The following SHC3 variants were observed in gnomAD, a reference collection of about 807,000 sequenced individuals.
The protein encoded by SHC3 is SHC-transforming protein 3.
SHC3 carries 15 observed loss-of-function variants against 60.4 expected under a neutral mutation model. That is an observed-to-expected ratio of 0.25 (90% confidence interval 0.17 to 0.38). The LOEUF (loss-of-function observed/expected upper bound fraction) is 0.38. Ranked by LOEUF, SHC3 falls within the 10% of genes least tolerant of loss-of-function variation. The probability of loss-of-function intolerance (pLI) is 1.00; values close to 1 mark genes in which losing one functional copy is unlikely to be tolerated. For synonymous variants in SHC3, 294 were observed against 325.9 expected (o/e 0.90, Z 1.05); for missense variants, 677 against 786.1 (o/e 0.86, Z 1.66).
intron 1 of SHC3, among the ~76,000 whole-genome samples, chr9:89,161,208 C>A (rs983040091): frequency 5.3e-5 from 8 of 152,162 alleles, no homozygotes; most frequent in Non-Finnish European, 1.0e-4. Flanking sequence ...GCAGGTTTCT[C>A]ATGAATGGTT....
chr9:89,104,670 C>A (rs1825830712), intron 2 of SHC3, among the ~76,000 whole-genome samples: 1 of 152,138 alleles, frequency 6.6e-6, no homozygotes, highest in Non-Finnish European at 1.5e-5. Context: ...TTGCTGTCAC[C>A]ACCTTGAGCT....
chr9:89,153,989 T>A (rs1826585154), intron 1 of SHC3, among the ~76,000 whole-genome samples: 1 of 152,100 alleles, frequency 6.6e-6, no homozygotes, highest in South Asian at 2.1e-4. Flanking sequence ...TTACACCCAT[T>A]TTACAGATAA....
intron 1 of SHC3, among the ~76,000 whole-genome samples, chr9:89,146,321 C>A (rs1012401752): frequency 2.6e-5 from 4 of 151,864 alleles, no homozygotes; most frequent in Non-Finnish European, 4.4e-5. Context: ...CGCGCCACTG[C>A]ACTCCAGCCT....
chr9:89,127,625 A>G (rs1405741701), intron 1 of SHC3, among the ~76,000 whole-genome samples: 1 of 152,180 alleles, frequency 6.6e-6, no homozygotes, highest in East Asian at 1.9e-4. Context: ...ATTACTTTCC[A>G]TTATGAAAGG....
chr9:89,127,784 C>G (rs565835507), intron 1 of SHC3, among the ~76,000 whole-genome samples: 1 of 151,964 alleles, frequency 6.6e-6, no homozygotes, highest in Non-Finnish European at 1.5e-5. Flanking sequence ...ACTCCACCCC[C>G]CCCCACCACT....
At chr9:89,089,203 C>T (rs770146389) in intron 2 of SHC3, among the ~76,000 whole-genome samples, 1 of 152,164 alleles carries the variant, frequency 6.6e-6, no homozygotes, top group Non-Finnish European at 1.5e-5. Flanking sequence ...TATCTCTGAC[C>T]TCTTTCTATC....
intron 6 of SHC3, among the ~76,000 whole-genome samples, chr9:89,061,031 C>A (rs930982584): frequency 6.6e-6 from 1 of 152,142 alleles, no homozygotes; most frequent in Non-Finnish European, 1.5e-5. Flanking sequence ...GGCTTTCAGG[C>A]AGAGGCCAGG....
intron 8 of SHC3, among the ~76,000 whole-genome samples, chr9:89,046,098 G>C (rs980742256): frequency 7.9e-6 from 1 of 127,264 alleles, no homozygotes; most frequent in East Asian, 2.3e-4. Flanking sequence ...CCCGAAGTGT[G>C]ACTGTAAATC....
intron 1 of SHC3, among the ~76,000 whole-genome samples, chr9:89,167,348 A>G (rs574059240): frequency 1.2e-4 from 18 of 152,346 alleles, no homozygotes; most frequent in African/African-American, 4.3e-4. Flanking sequence ...ACAAATAACA[A>G]TCCTTTAAAA....
intron 4 of SHC3, among the ~76,000 whole-genome samples, chr9:89,072,281 C>A (rs1163861383): frequency 6.6e-6 from 1 of 152,132 alleles, no homozygotes; most frequent in East Asian, 1.9e-4. Context: ...CAGGGAGGCC[C>A]ACCCCGAGGC....
At chr9:89,030,789 C>CA (rs1587684261) in intron 11 of SHC3, among the ~76,000 whole-genome samples, 2 of 152,156 alleles carry the variant, frequency 1.3e-5, no homozygotes, top group East Asian at 3.8e-4. Context: ...ATTTTCCTTC[C>CA]GTTTTTCCTC....
intron 6 of SHC3, among the ~76,000 whole-genome samples, chr9:89,052,976 A>G (rs912314385): frequency 1.3e-5 from 2 of 152,138 alleles, no homozygotes; most frequent in African/African-American, 4.8e-5. Flanking sequence ...TCTATGTGAA[A>G]CCTTCAGAGA....
chr9:89,083,289 A>G (rs1825475123), intron 2 of SHC3, among the ~76,000 whole-genome samples: 1 of 152,234 alleles, frequency 6.6e-6, no homozygotes, highest in African/African-American at 2.4e-5. Flanking sequence ...AGAAGCCTCA[A>G]TGCCAAAGAA....
chr9:89,087,394 G>A (rs1045320760), intron 2 of SHC3, among the ~76,000 whole-genome samples: 10 of 152,078 alleles, frequency 6.6e-5, no homozygotes, highest in African/African-American at 2.2e-4. Context: ...AAATCAGAAC[G>A]AATCAGAACT....
At chr9:89,020,647 C>T (rs958074749) in intron 11 of SHC3, among the ~76,000 whole-genome samples, 2 of 152,136 alleles carry the variant, frequency 1.3e-5, no homozygotes, top group Admixed American at 1.3e-4. Flanking sequence ...GGCACAAAAC[C>T]GCCCTCATGT....
rs943909288 is a variant in SHC3, at chr9:89,117,001, G to T, written c.475-4375C>A. ...TGATGCCCTGCTCCTCTGTCATAGGGTTATGTTAAGATCACAACCGAGTTT... is the reference window on the plus strand; with the variant it reads ...TGATGCCCTGCTCCTCTGTCATAGGTTTATGTTAAGATCACAACCGAGTTT... On this transcript the variant is annotated intron_variant, in intron 1 of 11. Coordinates refer to ENST00000375835, the MANE Select transcript of SHC3 (RefSeq NM_016848.6). Among the ~76,000 whole-genome samples, 3 of 152,172 alleles carry T rather than the reference G, an allele frequency of 2.0e-5. 1 individual carries two copies. The South Asian group carries it at 6.2e-4, about 31-fold the overall frequency.
intron 2 of SHC3, among the ~76,000 whole-genome samples, chr9:89,091,961 G>C (rs1182331055): frequency 6.6e-6 from 1 of 152,150 alleles, no homozygotes; most frequent in Non-Finnish European, 1.5e-5. Context: ...AAGTGAACAG[G>C]TAATTCATAA....
chr9:89,096,711 C>A (rs7869226), intron 2 of SHC3, among the ~76,000 whole-genome samples: 2 of 152,266 alleles, frequency 1.3e-5, no homozygotes, highest in African/African-American at 4.8e-5. Flanking sequence ...TAACCCCCAG[C>A]GGACATTTGG....
chr9:89,175,037 T>C (rs1826923127), intron 1 of SHC3, among the ~76,000 whole-genome samples: 1 of 152,280 alleles, frequency 6.6e-6, no homozygotes. Flanking sequence ...CCGTAATCAA[T>C]ACTCATTGGT....
Sources: allele counts gnomAD v4.1 joint callset (sites outside exome capture counted in the v4.1 genomes callset), GRCh38; gene constraint gnomAD v4.1.1; transcripts MANE v1.5; gene names NCBI Gene and HGNC (gene_info 2026-07-23, HGNC 2026-07-21).